The following CDK14 variants were observed in gnomAD, a reference collection of about 807,000 sequenced individuals.
CDK14 encodes the protein cyclin-dependent kinase 14.
A neutral mutation model predicts 60.7 loss-of-function variants in CDK14; 34 were observed. The observed-to-expected ratio is 0.56, with a 90% confidence interval of 0.43 to 0.75. The LOEUF is 0.75. Ranked by LOEUF, CDK14 falls within the 30% of genes least tolerant of loss-of-function variation. The probability of loss-of-function intolerance (pLI) is 0.00; values close to 1 mark genes in which losing one functional copy is unlikely to be tolerated. For missense variants in CDK14, 482 were observed against 564.1 expected (o/e 0.85, Z 1.47); for synonymous variants, 197 against 203.7 (o/e 0.97, Z 0.28).
chr7:90,669,414 C>T (rs1334248399), intron 2 of CDK14, among the ~76,000 whole-genome samples: 1 of 152,034 alleles, frequency 6.6e-6, no homozygotes. Context: ...GTGATTTGGC[C>T]AATGAGGATT....
chr7:90,760,983 G>A (rs1160052015), intron 4 of CDK14, among the ~76,000 whole-genome samples: 3 of 152,286 alleles, frequency 2.0e-5, no homozygotes, highest in Non-Finnish European at 2.9e-5. Flanking sequence ...CAGCCCTGAC[G>A]TCCTTTAGAG....
chr7:91,173,175 TC>T lies in CDK14; in HGVS notation c.*29-33988del, dbSNP rs79659657. Among the ~76,000 whole-genome samples the T allele has an allele frequency of 2.7e-4, 3 of 11,268 alleles. No individual in the cohort carries two copies. The Admixed American group carries it at 2.8e-3, about 10-fold the overall frequency. 7.4% of individuals were successfully genotyped at this position (11,268 alleles called of 152,430 possible). A position where few individuals can be genotyped will look rare whatever the true frequency, so the allele number is the denominator to read the frequency against. On this transcript the variant is annotated intron_variant, in intron 14 of 14. Coordinates refer to ENST00000380050, the MANE Select transcript of CDK14 (RefSeq NM_001287135.2). ...TTCACTTACTGGTGTCAGAAAAGCC[TC>T]CATGTAATCAAACCAGGTTCATTCT...
At chr7:90,660,913 G>A (rs1420804884) in intron 2 of CDK14, among the ~76,000 whole-genome samples, 3 of 152,190 alleles carry the variant, frequency 2.0e-5, no homozygotes, top group African/African-American at 4.8e-5. Flanking sequence ...CCCATCAGGA[G>A]GGAATGGTCT....
At chr7:91,185,541 G>C (rs2115905721) in intron 14 of CDK14, among the ~76,000 whole-genome samples, 1 of 151,874 alleles carries the variant, frequency 6.6e-6, no homozygotes, top group Non-Finnish European at 1.5e-5. Flanking sequence ...ATACCCACCA[G>C]TATATTATTG....
At chr7:90,773,877 C>CTCTCT (rs1285863105) in intron 4 of CDK14, among the ~76,000 whole-genome samples, 1 of 113,858 alleles carries the variant, frequency 8.8e-6, no homozygotes, top group Non-Finnish European at 1.8e-5. Context: ...CTCTCCTCTC[C>CTCTCT]TCTCCTCTCC....
intron 11 of CDK14, among the ~76,000 whole-genome samples, chr7:91,058,426 A>G (rs1480124594): frequency 1.3e-5 from 2 of 152,208 alleles, no homozygotes; most frequent in African/African-American, 4.8e-5. Flanking sequence ...TGCCCTGGCC[A>G]GAACTTCCAA....
intron 2 of CDK14, among the ~76,000 whole-genome samples, chr7:90,665,494 C>T (rs534013957): frequency 6.6e-6 from 1 of 151,966 alleles, no homozygotes; most frequent in Non-Finnish European, 1.5e-5. Flanking sequence ...AAAGCAAATC[C>T]CCAGTAAGGC....
intron 12 of CDK14, among the ~76,000 whole-genome samples, chr7:91,083,495 AT>A (rs1798539010): frequency 1.3e-5 from 2 of 152,144 alleles, no homozygotes; most frequent in Non-Finnish European, 2.9e-5. Flanking sequence ...ACTGCCATAC[AT>A]AGTATTGTTT....
intron 6 of CDK14, among the ~76,000 whole-genome samples, chr7:90,878,461 T>C (rs1166075115): frequency 6.6e-6 from 1 of 152,196 alleles, no homozygotes; most frequent in Non-Finnish European, 1.5e-5. Context: ...CTTTGTCCAG[T>C]CTTGCTCTCT....
chr7:90,954,625 T>C (rs1431205547), intron 8 of CDK14, among the ~76,000 whole-genome samples: 5 of 17,228 alleles, frequency 2.9e-4, no homozygotes, highest in Non-Finnish European at 1.3e-3. Flanking sequence ...TTTCTTTTTT[T>C]TTTTTTTTTT....
intron 10 of CDK14, among the ~76,000 whole-genome samples, chr7:90,995,661 A>G (rs947042810): frequency 6.6e-6 from 1 of 152,202 alleles, no homozygotes; most frequent in Non-Finnish European, 1.5e-5. Context: ...GAACTTCCCT[A>G]AGAAGACATG....
At chr7:90,863,368 T>C (rs1791069755) in intron 6 of CDK14, 99 bp downstream of exon 6, 1 of 607,750 alleles carries the variant, frequency 1.6e-6, no homozygotes, top group Non-Finnish European at 2.8e-6. Context: ...TGTACTGAAG[T>C]TAATATTTTA....
chr7:90,757,084 G>C (rs1023879961), intron 4 of CDK14, among the ~76,000 whole-genome samples: 2 of 152,138 alleles, frequency 1.3e-5, no homozygotes, highest in Non-Finnish European at 2.9e-5. Context: ...TCCTTCTGAG[G>C]ATTGTTAGGG....
intron 4 of CDK14, among the ~76,000 whole-genome samples, chr7:90,760,242 G>T (rs575190423): frequency 6.6e-6 from 1 of 152,204 alleles, no homozygotes; most frequent in African/African-American, 2.4e-5. Context: ...ACAAGCAGCA[G>T]CGCAAGAAGA....
intron 2 of CDK14, among the ~76,000 whole-genome samples, chr7:90,695,906 A>G (rs886389190): frequency 6.6e-6 from 1 of 152,100 alleles, no homozygotes; most frequent in African/African-American, 2.4e-5. Context: ...GGGTGTAGCA[A>G]TTTACTCCAA....
chr7:91,035,162 C>A (rs867576749), intron 10 of CDK14, among the ~76,000 whole-genome samples: 1 of 152,188 alleles, frequency 6.6e-6, no homozygotes, highest in Non-Finnish European at 1.5e-5. Context: ...TGTCTACCCT[C>A]TAAGCTGTAA....
chr7:90,761,533 A>C (rs1776959194), intron 4 of CDK14, among the ~76,000 whole-genome samples: 1 of 152,090 alleles, frequency 6.6e-6, no homozygotes, highest in Non-Finnish European at 1.5e-5. Flanking sequence ...TTAAACCAGG[A>C]TGGTAGGGAA....
intron 11 of CDK14, among the ~76,000 whole-genome samples, chr7:91,059,514 T>A (rs919685360): frequency 6.6e-6 from 1 of 152,098 alleles, no homozygotes; most frequent in South Asian, 2.1e-4. Flanking sequence ...CAATTTTAGA[T>A]CTTTCCTACT....
chr7:90,693,775 A>G (rs1482924044), intron 2 of CDK14, among the ~76,000 whole-genome samples: 1 of 152,146 alleles, frequency 6.6e-6, no homozygotes, highest in Non-Finnish European at 1.5e-5. Context: ...ATTCATCGTA[A>G]TGATCCTGTT....
Sources: allele counts gnomAD v4.1 joint callset (sites outside exome capture counted in the v4.1 genomes callset), GRCh38; gene constraint gnomAD v4.1.1; transcripts MANE v1.5; gene names NCBI Gene and HGNC (gene_info 2026-07-23, HGNC 2026-07-21).